The following DDX41 variants were observed in gnomAD, a reference collection of about 807,000 sequenced individuals.
DDX41 encodes the protein probable ATP-dependent RNA helicase DDX41.
DDX41 carries 50 observed loss-of-function variants against 78.8 expected under a neutral mutation model. The ratio of observed to expected loss-of-function variants is 0.63; its 90% CI spans 0.51 to 0.80. DDX41 has a LOEUF of 0.80. Ranked by LOEUF, DDX41 falls within the 30% of genes least tolerant of loss-of-function variation. The pLI, the probability that DDX41 is intolerant of heterozygous loss-of-function variation, is 0.00. For synonymous variants in DDX41, 381 were observed against 321.5 expected, an observed-to-expected ratio of 1.19 and a Z score of -1.98; for missense variants, 633 against 849.2, an observed-to-expected ratio of 0.75 and a Z score of 3.16.
In DDX41 at chr5:177,514,897, C is replaced by G; in HGVS notation, c.798+19G>C. The G allele has an allele frequency of 1.9e-6, 3 of 1,603,686 alleles. No individual in the cohort carries two copies. The highest frequency in any genetic ancestry group is 2.2e-5 in the South Asian group (2 of 90,966). ...GCAGCCCCAATCTCTGGCCTGCCCT[C>G]CAGGCCAGCCTATCTTACCGAGGGG... On this transcript the variant is annotated intron_variant, in intron 8 of 16. Coordinates refer to ENST00000330503, the MANE Select transcript of DDX41 (RefSeq NM_016222.4). The surrounding 1 kb of genome is among the most constrained non-coding windows in gnomAD (Gnocchi z 4.2).
chr5:177,516,597 G>A, intron 2 of DDX41, 128 bp downstream of exon 2: 2 of 1,381,258 alleles, frequency 1.4e-6, no homozygotes, highest in Non-Finnish European at 2.0e-6. Context: ...GTTTGTCTGG[G>A]GGCCGCGCCC....
At chr5:177,516,586 C>G in intron 2 of DDX41, 139 bp from the exon 3 acceptor site, 5 of 1,388,908 alleles carry the variant, frequency 3.6e-6, no homozygotes, top group Non-Finnish European at 5.0e-6. Context: ...GTCGGTCCCT[C>G]GTTTGTCTGG....
At position 177,514,675 on chromosome 5, in the gene DDX41, G is replaced by A. The variant is rs373052891; in HGVS notation, c.935+26C>T. The A allele has an allele frequency of 9.4e-6, 15 of 1,597,916 alleles. No homozygotes were observed. The African/African-American group carries it at 1.5e-4, about 16-fold the overall frequency. ...CCACAGACTCGCAGGTGGCAGAGGT[G>A]GGGGGCAGGGAGCGCCAGCACTCAC... On this transcript the variant is annotated intron_variant, in intron 9 of 16. Coordinates refer to ENST00000330503, the MANE Select transcript of DDX41 (RefSeq NM_016222.4). The surrounding 1 kb of genome is among the most constrained non-coding windows in gnomAD (Gnocchi z 4.2).
In DDX41 at chr5:177,516,911, T is replaced by C. The variant is rs755328770; in HGVS notation, c.27+8A>G. The C allele has an allele frequency of 1.2e-6, 2 of 1,612,998 alleles. No individual in the cohort carries two copies. The highest frequency in any genetic ancestry group is 2.2e-5 in the South Asian group (2 of 91,076). ...TCCCACACGCGCGGGGTCTCGCCTCTCTCCTACCTTCCGTTCGGGTTCCGA... is the reference window on the plus strand; with the variant it reads ...TCCCACACGCGCGGGGTCTCGCCTCCCTCCTACCTTCCGTTCGGGTTCCGA... On this transcript the variant is annotated splice_region_variant and intron_variant, in intron 1 of 16. Transcript: ENST00000330503.
Position 177,514,922 on chromosome 5 carries a change from G to A in DDX41, c.792C>T (p.Cys264=), listed in dbSNP as rs1437054196. 5.6e-6 allele frequency: 9 copies of A among 1,604,984 alleles called. 1 individual carries two copies. Among genetic ancestry groups the A allele is most frequent in the African/African-American group, 4.0e-5 (3 of 74,750 alleles). Residue 264 remains cysteine, a synonymous_variant, in exon 8 of 17, where the codon TGC becomes TGT. Coordinates refer to ENST00000330503, the MANE Select transcript of DDX41 (RefSeq NM_016222.4). The surrounding 1 kb of genome is among the most constrained non-coding windows in gnomAD (Gnocchi z 4.2). Reference sequence around the variant, plus strand: ...CCAGGCCAGCCTATCTTACCGAGGGGCAGATGATGAGTCCATAGGGCCCCT... The same window carrying A: ...CCAGGCCAGCCTATCTTACCGAGGGACAGATGATGAGTCCATAGGGCCCCT... ...KREGPYGLII[C]PSRELARQTH...
rs950718925 is a variant in DDX41, at chr5:177,516,942, C to T, written c.4G>A (p.Glu2Lys). 2 of 1,612,674 alleles carry T rather than the reference C, an allele frequency of 1.2e-6. No homozygotes were observed. The highest frequency in any genetic ancestry group is 2.2e-5 in the South Asian group (2 of 91,062). ...ACCTTCCGTTCGGGTTCCGACTCCT[C>T]CATTCTTTGCTGCACGCATGCGCGC... is the stretch of plus-strand genomic sequence containing the variant. Reference protein sequence around the residue: MEESEPERKRAR... With the variant: MKESEPERKRAR... The change falls in exon 1 of 17, where the codon GAG becomes AAG. Residue 2 changes from glutamate (E) to lysine (K), a missense_variant. This residue lies in a region of DDX41 where 140 missense variants were observed against 115.2 expected (regional missense o/e 1.22). Coordinates refer to ENST00000330503, the MANE Select transcript of DDX41 (RefSeq NM_016222.4).
At position 177,513,039 on chromosome 5, in the gene DDX41, A is replaced by T. The variant is rs1323392935; in HGVS notation, c.1274T>A (p.Leu425His). 1 of 1,613,720 alleles carries T rather than the reference A, an allele frequency of 6.2e-7. No individual in the cohort carries two copies. The highest frequency in any genetic ancestry group is 8.5e-7 in the Non-Finnish European group (1 of 1,179,910). The change falls in exon 12 of 17, where the codon CTC becomes CAC. Residue 425 changes from leucine (L) to histidine (H), a missense_variant. Transcript: ENST00000330503. The surrounding 1 kb of genome is among the most constrained non-coding windows in gnomAD (Gnocchi z 4.6). ...VKEEAKMVYL[L>H]ECLQKTPPPV... ...CGGGGGTGTCTTCTGCAGGCACTCG[A>T]GCAGGTACACCATCTTGGCCTCCTC...
At position 177,513,651 on chromosome 5, in the gene DDX41, G is replaced by C. The variant is rs142237673; in HGVS notation, c.1098+34C>G. ...TCTGATGTGGCGTGCAGTGGGGGGC[G>C]GTGCAGGGTGCCCTGGCCGGGCGGG... On this transcript the variant is annotated intron_variant, in intron 10 of 16. Transcript: ENST00000330503. This position sits in a 1 kb window ranked among gnomAD's most constrained non-coding sequence, Gnocchi z 4.6. 992 of 1,611,498 alleles carry C rather than the reference G, an allele frequency of 6.2e-4. 6 individuals are homozygous for C. In the African/African-American group the frequency reaches 0.01, roughly 16 times the overall value.
chr5:177,515,670 C>G lies in DDX41; in HGVS notation c.571+15G>C, dbSNP rs1342701759. 6.2e-7 allele frequency: 1 copy of G among 1,613,526 alleles called. No homozygotes were observed. The highest frequency in any genetic ancestry group is 2.2e-5 in the East Asian group (1 of 44,864). ...GATTATAAAAGTGTGGTATCTCTCTCCAGCCCCTGACTACCTGCAGGAAAC... is the reference window on the plus strand; with the variant it reads ...GATTATAAAAGTGTGGTATCTCTCTGCAGCCCCTGACTACCTGCAGGAAAC... On this transcript the variant is annotated intron_variant, in intron 6 of 16. Transcript: ENST00000330503.
In DDX41 at chr5:177,512,150, G is replaced by A; in HGVS notation, c.1678C>T (p.Pro560Ser). Residue 560 changes from proline to serine, a missense_variant, in exon 16 of 17, where the codon CCG (proline) becomes TCG (serine). Pro to Ser is a moderately conservative substitution (Grantham distance 74). Around this residue, in one of 6 missense-constraint regions of DDX41, gnomAD observed 185 missense variants for 367.4 expected, o/e 0.50. Coordinates refer to ENST00000330503, the MANE Select transcript of DDX41 (RefSeq NM_016222.4). Reference protein sequence around the residue: ...ALLLEAKQKVPPVLQVLHCGD... With the variant: ...ALLLEAKQKVSPVLQVLHCGD... ...CAATGCAGCACCTGCAGCACGGGCG[G>A]CACCTTCTGCTTGGCTTCTAGCAGC... 6.2e-7 allele frequency: 1 copy of A among 1,613,388 alleles called. No homozygotes were observed. Among genetic ancestry groups the A allele is most frequent in the Non-Finnish European group, 8.5e-7 (1 of 1,180,010 alleles).
Position 177,513,887 on chromosome 5 carries a change from C to A in DDX41, c.936-40G>T. The stretch of plus-strand genomic sequence containing the variant: ...GAGACCCTGAGGTTGGGGCCACTGG[C>A]CTATCACCTATCTAGAGGCAAGCAG... On this transcript the variant is annotated intron_variant, in intron 9 of 16. Transcript: ENST00000330503. This position sits in a 1 kb window ranked among gnomAD's most constrained non-coding sequence, Gnocchi z 4.6. 1 of 1,603,962 alleles carries A rather than the reference C, an allele frequency of 6.2e-7. No homozygotes were observed. The highest frequency in any genetic ancestry group is 1.1e-5 in the South Asian group (1 of 90,696).
In DDX41 at chr5:177,513,003, G is replaced by A. The variant is rs371477062; in HGVS notation, c.1302+8C>T. The A allele has an allele frequency of 3.6e-5, 58 of 1,613,710 alleles. 1 individual carries two copies. The South Asian group carries it at 3.8e-4, about 11-fold the overall frequency. ...ACTCTGGCCCCGGCCTGGCCTGGCT[G>A]CACTCACAGGCGGGGGTGTCTTCTG... On this transcript the variant is annotated splice_region_variant and intron_variant, in intron 12 of 16. Coordinates refer to ENST00000330503, the MANE Select transcript of DDX41 (RefSeq NM_016222.4). This position sits in a 1 kb window ranked among gnomAD's most constrained non-coding sequence, Gnocchi z 4.6.
intron 16 of DDX41, 36 bp from the exon 17 acceptor site, chr5:177,511,963 G>C (rs1263771702): frequency 6.2e-7 from 1 of 1,611,204 alleles, no homozygotes; most frequent in Non-Finnish European, 8.5e-7. Flanking sequence ...CCAAGTCAAG[G>C]ACCAGGATCC....
In DDX41 at chr5:177,512,366, G is replaced by T; in HGVS notation, c.1577C>A (p.Ser526Ter). 1 of 1,613,974 alleles carries T rather than the reference G, an allele frequency of 6.2e-7. No homozygotes were observed. The highest frequency in any genetic ancestry group is 1.1e-5 in the South Asian group (1 of 91,066). The stretch of plus-strand genomic sequence containing the variant: ...GGTAGTGGCGATGCCTGTGTTTCCC[G>T]AGCGCCCGGTGCGGCCAATCCGGTG... ...YVHRIGRTGR[S>*]GNTGIATTFI... The change falls in exon 15 of 17, where the codon TCG becomes TAG. Residue 526 changes from serine to a stop codon, truncating the protein, a stop_gained. Coordinates refer to ENST00000330503, the MANE Select transcript of DDX41 (RefSeq NM_016222.4). LOFTEE classifies it high-confidence loss of function.
chr5:177,512,392 T>C lies in DDX41; in HGVS notation c.1551A>G (p.Val517=). Reference sequence around the variant, plus strand: ...AGCGCCCGGTGCGGCCAATCCGGTGTACTGCAGAGAGAAGGACAGAGTCTC... The same window carrying C: ...AGCGCCCGGTGCGGCCAATCCGGTGCACTGCAGAGAGAAGGACAGAGTCTC... ...YDMPEEIENY[V]HRIGRTGRSG... is the part of the protein sequence containing the mutation. Residue 517 remains valine, a splice_region_variant and synonymous_variant, in exon 15 of 17, where the codon GTA becomes GTG. Coordinates refer to ENST00000330503, the MANE Select transcript of DDX41 (RefSeq NM_016222.4). 1 of 1,614,046 alleles carries C rather than the reference T, an allele frequency of 6.2e-7. No individual in the cohort carries two copies. The highest frequency in any genetic ancestry group is 8.5e-7 in the Non-Finnish European group (1 of 1,180,008).
chr5:177,513,143 C>T lies in DDX41; in HGVS notation c.1231-61G>A, dbSNP rs1761057595. ...ATTAGGCTTACCCGCCACAGCCCTG[C>T]CATGGCCCGTCATCTGGACCAGGAG... On this transcript the variant is annotated intron_variant, in intron 11 of 16. Coordinates refer to ENST00000330503, the MANE Select transcript of DDX41 (RefSeq NM_016222.4). The surrounding 1 kb of genome is among the most constrained non-coding windows in gnomAD (Gnocchi z 4.6). The T allele has an allele frequency of 1.3e-6, 2 of 1,574,352 alleles. No homozygotes were observed. Among genetic ancestry groups the T allele is most frequent in the African/African-American group, 2.7e-5 (2 of 74,240 alleles).
Position 177,512,599 on chromosome 5 carries a change from C to T in DDX41, c.1446G>A (p.Lys482=), listed in dbSNP as rs1300267169. ...TKAIEAFREG[K]KDVLVATDVA... ...CGTCTGTGGCTACTAGGACATCCTT[C>T]TTGCCCTCCCGGAATGCCTCGATGG... is the stretch of plus-strand genomic sequence containing the variant. The change falls in exon 14 of 17, where the codon AAG becomes AAA. Residue 482 remains lysine, a synonymous_variant. Coordinates refer to ENST00000330503, the MANE Select transcript of DDX41 (RefSeq NM_016222.4). The T allele has an allele frequency of 1.9e-6, 3 of 1,614,196 alleles. No individual in the cohort carries two copies. Among genetic ancestry groups the T allele is most frequent in the Non-Finnish European group, 2.5e-6 (3 of 1,180,036 alleles).
Position 177,514,730 on chromosome 5 carries a change from G to T in DDX41, c.906C>A (p.Ser302=). ...GGATGGTCTCCATCTGCTCTTTCAC[G>T]GACATGCCCCCAATGCAGAGGGCGC... ...LRCALCIGGM[S]VKEQMETIRH... is the part of the protein sequence containing the mutation. The change falls in exon 9 of 17, where the codon TCC becomes TCA. Residue 302 remains serine (S), a synonymous_variant. Transcript: ENST00000330503. The surrounding 1 kb of genome is among the most constrained non-coding windows in gnomAD (Gnocchi z 4.2). 1 of 1,612,368 alleles carries T rather than the reference G, an allele frequency of 6.2e-7. No individual in the cohort carries two copies. The highest frequency in any genetic ancestry group is 8.5e-7 in the Non-Finnish European group (1 of 1,179,608).
rs372416951 is a variant in DDX41 at position 177,515,279 on chromosome 5, C to T, written c.572-21G>A. On this transcript the variant is annotated intron_variant, in intron 6 of 16. Transcript: ENST00000330503. Reference sequence around the variant, plus strand: ...GATGGCTATGAAAACCAACCGACATCGTCTTCATGACTCACAGGTACTTTC... The same window carrying T: ...GATGGCTATGAAAACCAACCGACATTGTCTTCATGACTCACAGGTACTTTC... The T allele has an allele frequency of 9.3e-6, 15 of 1,613,404 alleles. No individual in the cohort carries two copies. The African/African-American group carries it at 1.1e-4, about 12-fold the overall frequency.
Sources: gnomAD v4.1 joint callset for allele counts on GRCh38, gnomAD v4.1.1 for gene constraint, gnomAD v4.1.1 regional missense constraint, Gnocchi (gnomAD v3.1) non-coding constraint, MANE v1.5 for transcripts, NCBI Gene and HGNC (gene_info 2026-07-23, HGNC 2026-07-21) for gene names.